The following MARCHF4 variants were observed in gnomAD, a reference collection of about 807,000 sequenced individuals.
MARCHF4 encodes membrane associated ring-CH-type finger 4.
Under a neutral mutation model 43.9 loss-of-function variants are expected in MARCHF4, and 14 were observed. The ratio of observed to expected loss-of-function variants is 0.32; its 90% confidence interval spans 0.21 to 0.50. MARCHF4 has a LOEUF of 0.50. MARCHF4 is among the 20% of genes least tolerant of loss of function. The pLI is 0.98. For synonymous variants in MARCHF4, 226 were observed against 213.3 expected (o/e 1.06, Z -0.52); for missense variants, 468 against 536.7 (o/e 0.87, Z 1.27).
In MARCHF4 at chr2:216,288,632, A is replaced by G. The variant is rs375080592; in HGVS notation, c.517-4903T>C. Among the ~76,000 whole-genome samples the G allele has an allele frequency of 2.0e-5, 3 of 152,134 alleles. No individual in the cohort carries two copies. In the East Asian group the frequency reaches 5.8e-4, roughly 30 times the overall value. On this transcript the variant is annotated intron_variant, in intron 1 of 3. Coordinates refer to ENST00000273067, the MANE Select transcript of MARCHF4 (RefSeq NM_020814.3). ...GAAGCTTCTTTTCAGGGGATGCCAA[A>G]CAGAAGAAGAGTGCAGGCCTCTTGC... is the stretch of plus-strand genomic sequence containing the variant.
intron 1 of MARCHF4, among the ~76,000 whole-genome samples, chr2:216,319,068 G>A (rs544238871): frequency 7.2e-4 from 109 of 152,176 alleles, no homozygotes; most frequent in African/African-American, 2.3e-3. Flanking sequence ...GGCACTTTGC[G>A]GGGCTGAGGC....
At chr2:216,307,334 T>A (rs1691603983) in intron 1 of MARCHF4, among the ~76,000 whole-genome samples, 1 of 152,022 alleles carries the variant, frequency 6.6e-6, no homozygotes, top group African/African-American at 2.4e-5. Flanking sequence ...ACAGTTTCCT[T>A]TTTTACAACA....
chr2:216,305,212 G>A (rs905726200), intron 1 of MARCHF4, among the ~76,000 whole-genome samples: 1 of 152,226 alleles, frequency 6.6e-6, no homozygotes, highest in African/African-American at 2.4e-5. Context: ...TATTAAAAAT[G>A]TGAAGATAAT....
chr2:216,311,492 A>G (rs1317259085), intron 1 of MARCHF4, among the ~76,000 whole-genome samples: 1 of 152,150 alleles, frequency 6.6e-6, no homozygotes, highest in Non-Finnish European at 1.5e-5. Context: ...TCATGGCCTC[A>G]AGTGACCCAC....
rs1270300686 is a variant in MARCHF4 at position 216,370,121 on chromosome 2, T to C, written c.140A>G (p.Asn47Ser). ...CCGCAGTAAGAAAACCTTCAGGTCA[T>C]TGAAGAGCATGCGGCAGCGGCACTT... Reference protein sequence around the residue: ...LLKCRCRMLFNDLKVFLLRRP... With the variant: ...LLKCRCRMLFSDLKVFLLRRP... Residue 47 changes from asparagine (N) to serine (S), a missense_variant, in exon 1 of 4, where the codon AAT (asparagine) becomes AGT (serine). By Grantham distance (46) the Asn-to-Ser change is conservative. Coordinates refer to ENST00000273067, the MANE Select transcript of MARCHF4 (RefSeq NM_020814.3). 6.2e-7 allele frequency: 1 copy of C among 1,603,624 alleles called. No homozygotes were observed.
intron 1 of MARCHF4, among the ~76,000 whole-genome samples, chr2:216,338,680 C>T (rs1692193607): frequency 6.6e-6 from 1 of 152,102 alleles, no homozygotes; most frequent in South Asian, 2.1e-4. Flanking sequence ...GTTAAAATCC[C>T]CACATGAACC....
chr2:216,325,651 C>T (rs566064886), intron 1 of MARCHF4, among the ~76,000 whole-genome samples: 163 of 152,114 alleles, frequency 1.1e-3, no homozygotes, highest in Non-Finnish European at 1.9e-3. Context: ...TCAGAAATAA[C>T]GCCACATATC....
At position 216,259,642 on chromosome 2, in the gene MARCHF4, G is replaced by T; in HGVS notation, c.903C>A (p.Ile301=). 6.2e-7 allele frequency: 1 copy of T among 1,614,212 alleles called. No homozygotes were observed. The highest frequency in any genetic ancestry group is 8.5e-7 in the Non-Finnish European group (1 of 1,180,032). ...GGTTGACAGCCTGCCACCGTTTAAAGATGCGGTACACCGAGGGTCCTTCAT... is the reference window on the plus strand; with the variant it reads ...GGTTGACAGCCTGCCACCGTTTAAATATGCGGTACACCGAGGGTCCTTCAT... ...IIHEGPSVYR[I]FKRWQAVNQQ... The change falls in exon 4 of 4, where the codon ATC becomes ATA. Residue 301 remains isoleucine (I), a synonymous_variant. Coordinates refer to ENST00000273067, the MANE Select transcript of MARCHF4 (RefSeq NM_020814.3).
intron 1 of MARCHF4, among the ~76,000 whole-genome samples, chr2:216,349,335 A>G (rs1481579581): frequency 6.6e-6 from 1 of 152,250 alleles, no homozygotes; most frequent in African/African-American, 2.4e-5. Flanking sequence ...CCATCAAAGT[A>G]TCTAAGTGCC....
chr2:216,326,719 C>CCAAACACCG (rs1479269458), intron 1 of MARCHF4, among the ~76,000 whole-genome samples: 1 of 151,250 alleles, frequency 6.6e-6, no homozygotes, highest in Admixed American at 6.6e-5. Flanking sequence ...GAACAAAAAA[C>CCAAACACCG]CAAACACCGC....
intron 3 of MARCHF4, among the ~76,000 whole-genome samples, chr2:216,261,150 G>A (rs1356089544): frequency 6.6e-6 from 1 of 152,184 alleles, no homozygotes; most frequent in Non-Finnish European, 1.5e-5. Context: ...CACACATCTA[G>A]TAGCTTAAAA....
chr2:216,277,789 C>T lies in MARCHF4; in HGVS notation c.748G>A (p.Ala250Thr), dbSNP rs367784136. 1.2e-5 allele frequency: 19 copies of T among 1,614,040 alleles called. No homozygotes were observed. The East Asian group carries it at 3.1e-4, about 26-fold the overall frequency. The change falls in exon 3 of 4, where the codon GCC (alanine) becomes ACC (threonine). Residue 250 changes from alanine (A) to threonine (T), a missense_variant. By Grantham distance (58) the Ala-to-Thr change is moderately conservative. Around this residue, in one of 3 missense-constraint regions of MARCHF4, gnomAD observed 158 missense variants for 251.1 expected, o/e 0.63. Transcript: ENST00000273067. The part of the protein sequence containing the change: ...AAILGSLFLI[A>T]SISWLIWSTF... ...GACCAGATGAGCCAAGAAATACTGG[C>T]GATGAGGAAGAGGGAGCCCAGGATG... is the stretch of plus-strand genomic sequence containing the variant.
At chr2:216,280,108 C>CT (rs1691104296) in intron 2 of MARCHF4, among the ~76,000 whole-genome samples, 1 of 152,054 alleles carries the variant, frequency 6.6e-6, no homozygotes, top group South Asian at 2.1e-4. Flanking sequence ...GGGTGGGGTT[C>CT]TATGGACAAG....
At chr2:216,354,920 T>G (rs1003570022) in intron 1 of MARCHF4, among the ~76,000 whole-genome samples, 152 of 116,070 alleles carry the variant, frequency 1.3e-3, no homozygotes, top group African/African-American at 5.1e-3. Flanking sequence ...TCTTTCTTTC[T>G]TTCTTTCTTT....
intron 3 of MARCHF4, among the ~76,000 whole-genome samples, chr2:216,272,405 T>A (rs540920711): frequency 6.6e-6 from 1 of 152,232 alleles, no homozygotes; most frequent in Non-Finnish European, 1.5e-5. Flanking sequence ...ACTGAATTTC[T>A]GATTGTTACC....
At chr2:216,319,254 G>A (rs931698941) in intron 1 of MARCHF4, among the ~76,000 whole-genome samples, 1 of 152,260 alleles carries the variant, frequency 6.6e-6, no homozygotes, top group East Asian at 1.9e-4. Context: ...ATTGCAGTGA[G>A]CCGAAATCGT....
chr2:216,283,883 G>A (rs749823268), intron 1 of MARCHF4, among the ~76,000 whole-genome samples, 154 bp from the exon 2 acceptor site: 71 of 152,104 alleles, frequency 4.7e-4, no homozygotes, highest in African/African-American at 1.2e-3. Context: ...AGGAGGCCTG[G>A]GCTCCTGCAC....
intron 1 of MARCHF4, among the ~76,000 whole-genome samples, chr2:216,339,354 T>C (rs1246291230): frequency 1.3e-5 from 2 of 152,176 alleles, no homozygotes. Context: ...TCCTCTCTCC[T>C]CCATTGGGAA....
chr2:216,349,169 G>A (rs180832486), intron 1 of MARCHF4, among the ~76,000 whole-genome samples: 2 of 152,328 alleles, frequency 1.3e-5, no homozygotes, highest in South Asian at 2.1e-4. Context: ...CAAATTCAGT[G>A]TGCACGTGCA....
Sources: gnomAD v4.1 joint callset for allele counts (sites outside exome capture counted in the v4.1 genomes callset) on GRCh38, gnomAD v4.1.1 for gene constraint, gnomAD v4.1.1 regional missense constraint, MANE v1.5 for transcripts, NCBI Gene and HGNC (gene_info 2026-07-23, HGNC 2026-07-21) for gene names.